DLGAP2: variants seen among roughly 807,000 people sequenced by gnomAD.
DLGAP2 encodes DLG associated protein 2, also known as disks large-associated protein 2.
Under a neutral mutation model 100.3 loss-of-function variants are expected in DLGAP2, and 26 were observed. The ratio of observed to expected loss-of-function variants is 0.26; its 90% CI spans 0.19 to 0.36. The LOEUF is 0.36. DLGAP2 is among the 10% of genes least tolerant of loss of function. The probability of loss-of-function intolerance (pLI) is 1.00; values close to 1 mark genes in which losing one functional copy is unlikely to be tolerated. For missense variants in DLGAP2, 1,858 were observed against 1,453.2 expected (o/e 1.28, Z -4.53); for synonymous variants, 886 against 630.1 (o/e 1.41, Z -6.08).
chr8:1,495,541 GGCGAGGTCGGTGT>G (rs1563182599), intron 3 of DLGAP2, among the ~76,000 whole-genome samples: 1 of 152,228 alleles, frequency 6.6e-6, no homozygotes, highest in African/African-American at 2.4e-5. Context: ...GCGCTGGCCC[GGCGAGGTCGGTGT>G]GCTGAGACCA....
chr8:1,325,547 A>G (rs1203594069), intron 3 of DLGAP2, among the ~76,000 whole-genome samples: 1 of 152,220 alleles, frequency 6.6e-6, no homozygotes, highest in Non-Finnish European at 1.5e-5. Context: ...CTCAGGCCAA[A>G]TTAAATCTAG....
chr8:923,240 T>C (rs1180634392), intron 2 of DLGAP2, among the ~76,000 whole-genome samples: 1 of 151,894 alleles, frequency 6.6e-6, no homozygotes, highest in Non-Finnish European at 1.5e-5. Flanking sequence ...AAACCACAGG[T>C]TATCTGGGCT....
At chr8:1,700,555 AC>A (rs1799537823) in intron 14 of DLGAP2, among the ~76,000 whole-genome samples, 1 of 152,260 alleles carries the variant, frequency 6.6e-6, no homozygotes, top group African/African-American at 2.4e-5. Flanking sequence ...AACGGCATAC[AC>A]GTATTTTAGC....
intron 3 of DLGAP2, among the ~76,000 whole-genome samples, chr8:1,382,300 T>C (rs1023046059): frequency 1.3e-5 from 2 of 152,258 alleles, no homozygotes; most frequent in Non-Finnish European, 2.9e-5. Flanking sequence ...CGTCTTCACG[T>C]TGAGTGGGCT....
chr8:1,438,101 G>T (rs1390484732), intron 3 of DLGAP2, among the ~76,000 whole-genome samples: 1 of 152,190 alleles, frequency 6.6e-6, no homozygotes. Context: ...ACACCTGCTG[G>T]TCCCCAGAAG....
rs552443006 is a variant in DLGAP2 at position 1,128,520 on chromosome 8, G to A, written c.74-130331G>A. On this transcript the variant is annotated intron_variant, in intron 2 of 14. Coordinates refer to ENST00000637795, the MANE Select transcript of DLGAP2 (RefSeq NM_001346810.2). ...GCAGGACTCAGCGCGGTCACATGCTGTGTGGGTGTGTAGCCCAGAAGCAAC... is the reference window on the plus strand; with the variant it reads ...GCAGGACTCAGCGCGGTCACATGCTATGTGGGTGTGTAGCCCAGAAGCAAC... Among the ~76,000 whole-genome samples the A allele has an allele frequency of 3.9e-5, 6 of 152,326 alleles. No individual in the cohort carries two copies. The East Asian group carries it at 1.2e-3, about 29-fold the overall frequency.
intron 3 of DLGAP2, among the ~76,000 whole-genome samples, chr8:1,353,979 T>A (rs1033489130): frequency 6.6e-6 from 1 of 152,208 alleles, no homozygotes; most frequent in Non-Finnish European, 1.5e-5. Flanking sequence ...GACGTTTTTT[T>A]AAAAACCTAG....
chr8:1,239,667 T>C (rs1446424202), intron 2 of DLGAP2, among the ~76,000 whole-genome samples: 1 of 13,820 alleles, frequency 7.2e-5, no homozygotes, highest in Non-Finnish European at 1.3e-4. Context: ...CTGTGTCTAG[T>C]TCTCTCTCAC....
intron 1 of DLGAP2, among the ~76,000 whole-genome samples, chr8:788,948 G>A (rs889694565): frequency 1.3e-5 from 2 of 152,164 alleles, no homozygotes; most frequent in Non-Finnish European, 2.9e-5. Context: ...GCCCTCAACC[G>A]TCAACACCAG....
At chr8:784,333 A>G (rs1821780641) in intron 1 of DLGAP2, among the ~76,000 whole-genome samples, 1 of 152,252 alleles carries the variant, frequency 6.6e-6, no homozygotes, top group South Asian at 2.1e-4. Context: ...TTTTATATGC[A>G]TACACATGAA....
intron 2 of DLGAP2, among the ~76,000 whole-genome samples, chr8:1,197,117 T>C (rs1292420681): frequency 8.1e-6 from 1 of 123,874 alleles, no homozygotes; most frequent in African/African-American, 3.1e-5. Context: ...CCTCAGTGGA[T>C]TGGAGGATGC....
intron 2 of DLGAP2, among the ~76,000 whole-genome samples, chr8:1,095,263 G>A (rs570268361): frequency 2.6e-5 from 4 of 152,186 alleles, no homozygotes; most frequent in East Asian, 1.9e-4. Context: ...TTAGGGCCAC[G>A]TTTGGGAAAG....
chr8:1,094,248 G>A (rs541929777), intron 2 of DLGAP2, among the ~76,000 whole-genome samples: 6 of 152,312 alleles, frequency 3.9e-5, no homozygotes, highest in South Asian at 2.1e-4. Context: ...CATTTCCAAC[G>A]CGAGTAAAGC....
chr8:1,700,854 C>G (rs981373253), intron 14 of DLGAP2, among the ~76,000 whole-genome samples: 1 of 152,220 alleles, frequency 6.6e-6, no homozygotes, highest in African/African-American at 2.4e-5. Flanking sequence ...TTGGGAAGCG[C>G]AGGAATCGGG....
intron 2 of DLGAP2, among the ~76,000 whole-genome samples, chr8:1,239,741 C>T (rs1421101042): frequency 2.0e-5 from 1 of 51,148 alleles, no homozygotes; most frequent in East Asian, 5.0e-4. Flanking sequence ...CACATGGCGC[C>T]GTGTCTAGTT....
At chr8:1,693,527 G>C (rs928955903) in intron 13 of DLGAP2, among the ~76,000 whole-genome samples, 1 of 152,072 alleles carries the variant, frequency 6.6e-6, no homozygotes, top group Non-Finnish European at 1.5e-5. Context: ...AATGCAAATA[G>C]GTCTTCTCTA....
At chr8:1,304,744 A>G (rs1195223566) in intron 3 of DLGAP2, among the ~76,000 whole-genome samples, 2 of 152,234 alleles carry the variant, frequency 1.3e-5, no homozygotes, top group Non-Finnish European at 2.9e-5. Flanking sequence ...TCGAAAGCTA[A>G]GTACCCCTTG....
chr8:1,579,928 C>T (rs1024049380), intron 6 of DLGAP2, among the ~76,000 whole-genome samples: 6 of 152,176 alleles, frequency 3.9e-5, no homozygotes, highest in Non-Finnish European at 8.8e-5. Flanking sequence ...GTGTGTGCTG[C>T]AGCACAGGCA....
intron 3 of DLGAP2, among the ~76,000 whole-genome samples, chr8:1,271,131 ATAAT>A (rs1450181778): frequency 5.9e-5 from 9 of 152,206 alleles, no homozygotes; most frequent in African/African-American, 1.4e-4. Flanking sequence ...AAATGATTAA[ATAAT>A]TAATTAAATC....
Sources: gnomAD v4.1 joint callset for allele counts (sites outside exome capture counted in the v4.1 genomes callset) on GRCh38, gnomAD v4.1.1 for gene constraint, MANE v1.5 for transcripts, NCBI Gene and HGNC (gene_info 2026-07-23, HGNC 2026-07-21) for gene names.